Variants in FHAD1 observed in about 807,000 individuals in gnomAD.
The protein encoded by FHAD1 is forkhead-associated domain-containing protein 1.
FHAD1 carries 146 observed loss-of-function variants against 191.3 expected under a neutral mutation model. That is an observed-to-expected ratio of 0.76 (90% confidence interval 0.67 to 0.88). The LOEUF is 0.88. FHAD1 is among the 40% of genes least tolerant of loss of function. The pLI is 0.00. For synonymous variants in FHAD1, 616 were observed against 672.3 expected (o/e 0.92, Z 1.29); for missense variants, 1,635 against 1,785.8 (o/e 0.92, Z 1.52).
chr1:15,299,599 A>C (rs1448160061), intron 5 of FHAD1, among the ~76,000 whole-genome samples: 5 of 152,210 alleles, frequency 3.3e-5, no homozygotes, highest in Admixed American at 6.5e-5. Flanking sequence ...TGACCCTCCT[A>C]CCAAGACCGT....
At chr1:15,241,675 AAAC>A (rs1020376415) in intron 1 of FHAD1, among the ~76,000 whole-genome samples, 12 of 45,476 alleles carry the variant, frequency 2.6e-4, no homozygotes, top group African/African-American at 6.8e-4. Flanking sequence ...AAAAACAAAC[AAAC>A]AAAAAAAACC....
At chr1:15,257,119 G>A (rs1209868139) in intron 2 of FHAD1, among the ~76,000 whole-genome samples, 1 of 152,200 alleles carries the variant, frequency 6.6e-6, no homozygotes, top group Non-Finnish European at 1.5e-5. Flanking sequence ...ATGCTGTACT[G>A]AATACCTTTT....
chr1:15,337,375 A>G (rs1230309992), intron 14 of FHAD1, among the ~76,000 whole-genome samples: 1 of 152,152 alleles, frequency 6.6e-6, no homozygotes, highest in Non-Finnish European at 1.5e-5. Flanking sequence ...CCCCTTTAAA[A>G]GGCTTTCCCT....
At chr1:15,244,648 C>T (rs888761941), upstream of FHAD1, among the ~76,000 whole-genome samples, 3 of 152,104 alleles carry the variant, frequency 2.0e-5, no homozygotes, top group Admixed American at 6.5e-5. The surrounding 1 kb of genome is among the most constrained non-coding windows in gnomAD (Gnocchi z 5.1). Flanking sequence ...AGGGGCTTCC[C>T]CCTGCATATT....
chr1:15,267,832 C>G (rs1359145987), intron 2 of FHAD1, among the ~76,000 whole-genome samples: 1 of 143,260 alleles, frequency 7.0e-6, no homozygotes, highest in African/African-American at 2.5e-5. Flanking sequence ...TTTTATATAG[C>G]ATATATTTAT....
rs1224451357 is a variant in FHAD1 at position 15,239,325 on chromosome 1, G to A, written c.-15+2564G>A. Among the ~76,000 whole-genome samples, 3 of 152,168 alleles carry A rather than the reference G, an allele frequency of 2.0e-5. No individual in the cohort carries two copies. In the East Asian group the frequency reaches 5.8e-4, roughly 29 times the overall value. On this transcript the variant is annotated intron_variant, in intron 1 of 33. Coordinates refer to the FHAD1 transcript ENST00000683790. Reference sequence around the variant, plus strand: ...AGGATGGCCGGGTGCACTGGGCCATGCCTGTAATCCCAGCACTTTGAGAGG... The same window carrying A: ...AGGATGGCCGGGTGCACTGGGCCATACCTGTAATCCCAGCACTTTGAGAGG...
In FHAD1 at chr1:15,398,321, A is replaced by G. The variant is rs998799787; in HGVS notation, c.*908A>G. On this transcript the variant is annotated 3_prime_UTR_variant, in exon 34 of 34. Transcript: ENST00000688493. ...CTGTTTATTGTAATAAATTTAGAAC[A>G]CCAATCAGTTTTATTGCTTCCATAA... Among the ~76,000 whole-genome samples the G allele has an allele frequency of 2.6e-5, 4 of 151,938 alleles. No homozygotes were observed. Among genetic ancestry groups the G allele is most frequent in the African/African-American group, 9.7e-5 (4 of 41,334 alleles).
intron 1 of FHAD1, among the ~76,000 whole-genome samples, chr1:15,241,381 G>C (rs996537632): frequency 6.6e-6 from 1 of 152,180 alleles, no homozygotes; most frequent in African/African-American, 2.4e-5. Context: ...CTGGCCAGGC[G>C]CAGTGGCTCA....
At chr1:15,260,470 G>C (rs1650507939) in intron 2 of FHAD1, among the ~76,000 whole-genome samples, 1 of 152,186 alleles carries the variant, frequency 6.6e-6, no homozygotes, top group Admixed American at 6.5e-5. Flanking sequence ...CTCTGCCCCA[G>C]GTCACTCAAG....
chr1:15,310,730 G>T (rs931752490), intron 7 of FHAD1, among the ~76,000 whole-genome samples: 1 of 152,152 alleles, frequency 6.6e-6, no homozygotes, highest in Non-Finnish European at 1.5e-5. Flanking sequence ...CACTGGGCCG[G>T]GTTACGCTGC....
intron 1 of FHAD1, among the ~76,000 whole-genome samples, chr1:15,248,533 A>G (rs550867579): frequency 5.1e-4 from 77 of 151,596 alleles, no homozygotes; most frequent in Non-Finnish European, 9.9e-4. Flanking sequence ...GTCTTTTAAA[A>G]GGGGCTGCTA....
intron 18 of FHAD1, among the ~76,000 whole-genome samples, chr1:15,346,801 C>T (rs531047730): frequency 7.2e-5 from 11 of 152,308 alleles, no homozygotes; most frequent in African/African-American, 1.9e-4. Flanking sequence ...CCGAGCTGGG[C>T]TACTTCCTGG....
chr1:15,392,261 G>A lies in FHAD1; in HGVS notation c.4323+998G>A, dbSNP rs146817437. ...AAAAGGTTTCCTCCAGGCCAGGCGT[G>A]GTGGCTCACGCCTGTAATCCCAGCA... On this transcript the variant is annotated intron_variant, in intron 33 of 33. Transcript: ENST00000688493. 3.3e-3 allele frequency among the ~76,000 whole-genome samples: 507 copies of A among 152,276 alleles called. 2 individuals carry two copies. Among genetic ancestry groups the A allele is most frequent in the African/African-American group, 0.012 (493 of 41,550 alleles).
At chr1:15,367,356 C>A in intron 24 of FHAD1, 107 bp from the exon 25 acceptor site, 1 of 1,261,398 alleles carries the variant, frequency 7.9e-7, no homozygotes, top group Non-Finnish European at 1.1e-6. Context: ...ATTAGCCAGT[C>A]GTGGTGGCGC....
chr1:15,338,610 G>T (rs981099007), intron 14 of FHAD1, among the ~76,000 whole-genome samples: 5 of 152,102 alleles, frequency 3.3e-5, no homozygotes, highest in Non-Finnish European at 7.4e-5. Flanking sequence ...ATCGTAGGGG[G>T]TCATCATTCA....
In FHAD1 at chr1:15,296,685, G is replaced by A. The variant is rs1574083993; in HGVS notation, c.570G>A (p.Val190=). ...CTCTCTGCTGATCTCACGCCTTAGTGTGGACCAATGCCATGAAACTGTCAG... is the reference window on the plus strand; with the variant it reads ...CTCTCTGCTGATCTCACGCCTTAGTATGGACCAATGCCATGAAACTGTCAG... ...DARKPPVIKQ[V]WTNAMKLSEK... The change falls in exon 5 of 34, where the codon GTG becomes GTA. Residue 190 remains valine, a splice_region_variant and synonymous_variant. Transcript: ENST00000688493. The A allele has an allele frequency of 2.6e-6, 4 of 1,552,168 alleles. No individual in the cohort carries two copies. The highest frequency in any genetic ancestry group is 3.5e-6 in the Non-Finnish European group (4 of 1,147,030).
At chr1:15,258,743 G>A (rs879814309) in intron 2 of FHAD1, among the ~76,000 whole-genome samples, 6 of 89,550 alleles carry the variant, frequency 6.7e-5, no homozygotes, top group Admixed American at 2.4e-4. Flanking sequence ...GTACCACCAC[G>A]CCCGGCTAAT....
At chr1:15,363,355 C>T (rs1695422222) in intron 23 of FHAD1, among the ~76,000 whole-genome samples, 1 of 152,144 alleles carries the variant, frequency 6.6e-6, no homozygotes, top group African/African-American at 2.4e-5. Context: ...TATAAAGGCC[C>T]CACCTCTCAA....
rs1680473567 is a variant in FHAD1, at chr1:15,329,778, A to G, written c.1906+237A>G. On this transcript the variant is annotated intron_variant, in intron 14 of 33. Transcript: ENST00000688493. The surrounding 1 kb of genome is among the most constrained non-coding windows in gnomAD (Gnocchi z 5.0). ...ATGAAACAAAACAGAGGCAAAAGGAAAATTAAATCGAAATTATGCAAAGTC... is the reference window on the plus strand; with the variant it reads ...ATGAAACAAAACAGAGGCAAAAGGAGAATTAAATCGAAATTATGCAAAGTC... The G allele has an allele frequency of 2.0e-6, 1 of 500,680 alleles. No individual in the cohort carries two copies. 31.0% of individuals were successfully genotyped at this position (500,680 alleles called of 1,614,324 possible).
Sources: gnomAD v4.1 joint callset for allele counts (sites outside exome capture counted in the v4.1 genomes callset) on GRCh38, gnomAD v4.1.1 for gene constraint, Gnocchi (gnomAD v3.1) non-coding constraint, MANE v1.5 for transcripts, NCBI Gene and HGNC (gene_info 2026-07-23, HGNC 2026-07-21) for gene names.